The following MMD2 variants were observed in gnomAD, a reference collection of about 807,000 sequenced individuals.
The protein encoded by MMD2 is monocyte to macrophage differentiation factor 2.
A neutral mutation model predicts 33.5 loss-of-function variants in MMD2; 30 were observed. The ratio of observed to expected loss-of-function variants is 0.90; its 90% CI spans 0.67 to 1.22. The LOEUF (loss-of-function observed/expected upper bound fraction) is 1.22. MMD2 is among the 50% of genes most tolerant of loss of function. The pLI is 0.00. For synonymous variants in MMD2, 129 were observed against 123.0 expected (o/e 1.05, Z -0.32); for missense variants, 364 against 325.4 (o/e 1.12, Z -0.91).
chr7:4,917,584 T>C (rs1412915568), intron 3 of MMD2, among the ~76,000 whole-genome samples: 1 of 151,358 alleles, frequency 6.6e-6, no homozygotes, highest in Admixed American at 6.6e-5. Context: ...CCCAGCTACT[T>C]GGGAGGATGA....
the MMD2 span, among the ~76,000 whole-genome samples, chr7:4,896,571 A>G: frequency 6.6e-6 from 1 of 152,198 alleles, no homozygotes; most frequent in Non-Finnish European, 1.5e-5. Context: ...AGATGTGTGC[A>G]TGAACATGCT....
intron 1 of MMD2, among the ~76,000 whole-genome samples, chr7:4,941,697 T>C (rs1157823104): frequency 1.3e-5 from 2 of 151,780 alleles, no homozygotes; most frequent in African/African-American, 2.4e-5. Context: ...TTTTTCTTTA[T>C]ACTTTTTTAA....
At chr7:4,930,207 T>G (rs1216075518) in intron 1 of MMD2, among the ~76,000 whole-genome samples, 1 of 141,892 alleles carries the variant, frequency 7.0e-6, no homozygotes, top group Non-Finnish European at 1.5e-5. Flanking sequence ...AGGTGGAGGT[T>G]GCAGTGAGCC....
At chr7:4,953,588 A>G (rs1786307965) in intron 1 of MMD2, among the ~76,000 whole-genome samples, 1 of 151,230 alleles carries the variant, frequency 6.6e-6, no homozygotes, top group South Asian at 2.1e-4. Flanking sequence ...CTCCTGCCTC[A>G]GCCTCCTGAG....
At chr7:4,927,856 AG>A (rs1482536072) in intron 1 of MMD2, among the ~76,000 whole-genome samples, 2 of 152,216 alleles carry the variant, frequency 1.3e-5, no homozygotes, top group Non-Finnish European at 2.9e-5. Context: ...GAGAAGCTAC[AG>A]GGCAGGGAGG....
intron 2 of MMD2, 145 bp downstream of exon 2, chr7:4,925,306 A>T: frequency 4.3e-6 from 2 of 470,110 alleles, no homozygotes; most frequent in Non-Finnish European, 7.1e-6. Context: ...CCTTCCCTCG[A>T]GACGCCACAG....
chr7:4,952,566 G>A (rs1786275043), intron 1 of MMD2, among the ~76,000 whole-genome samples: 1 of 152,038 alleles, frequency 6.6e-6, no homozygotes, highest in Admixed American at 6.6e-5. Flanking sequence ...CACTCTGCAC[G>A]CATTTCCTCA....
At chr7:4,911,938 C>T (rs1274112131) in intron 4 of MMD2, among the ~76,000 whole-genome samples, 1 of 151,864 alleles carries the variant, frequency 6.6e-6, no homozygotes, top group South Asian at 2.1e-4. Context: ...TGAGCCACCG[C>T]GCCCGGCCTC....
intron 1 of MMD2, among the ~76,000 whole-genome samples, chr7:4,937,869 A>C (rs556635326): frequency 1.4e-4 from 22 of 151,814 alleles, no homozygotes; most frequent in Non-Finnish European, 2.6e-4. Context: ...GGCTGGTCTC[A>C]AACTCCTGGC....
chr7:4,905,448 G>A (rs991179745), downstream of MMD2, among the ~76,000 whole-genome samples: 3 of 150,380 alleles, frequency 2.0e-5, no homozygotes, highest in Admixed American at 1.3e-4. This position sits in a 1 kb window ranked among gnomAD's most constrained non-coding sequence, Gnocchi z 5.0. Flanking sequence ...GGAAGAAGGA[G>A]AGGAATGGGA....
At position 4,937,303 on chromosome 7, in the gene MMD2, A is replaced by G. The variant is rs1173429757; in HGVS notation, c.48-11771T>C. On this transcript the variant is annotated intron_variant, in intron 1 of 6. Coordinates refer to ENST00000401401, the MANE Select transcript of MMD2 (RefSeq NM_198403.4). ...TCCCAGCTACTTGAGAGGCTGAGGCAGGAGAATCACTTGAATCCGGGAGGT... is the reference window on the plus strand; with the variant it reads ...TCCCAGCTACTTGAGAGGCTGAGGCGGGAGAATCACTTGAATCCGGGAGGT... Among the ~76,000 whole-genome samples, 3 of 151,674 alleles carry G rather than the reference A, an allele frequency of 2.0e-5. No individual in the cohort carries two copies. In the East Asian group the frequency reaches 6.0e-4, roughly 30 times the overall value.
At chr7:4,930,012 G>A (rs903538831) in intron 1 of MMD2, among the ~76,000 whole-genome samples, 2 of 151,920 alleles carry the variant, frequency 1.3e-5, no homozygotes, top group African/African-American at 4.8e-5. Flanking sequence ...GCTCACACCT[G>A]TAATCCCAGC....
At chr7:4,905,306 GGAAGAGGAA>G (rs1696199817), downstream of MMD2, among the ~76,000 whole-genome samples, 2 of 148,670 alleles carry the variant, frequency 1.3e-5, no homozygotes, top group Admixed American at 6.8e-5. This position sits in a 1 kb window ranked among gnomAD's most constrained non-coding sequence, Gnocchi z 5.0. Flanking sequence ...AAGAGGAAGA[GGAAGAGGAA>G]GAAGAAGAAG....
At chr7:4,898,274 G>A in the MMD2 span, among the ~76,000 whole-genome samples, 3 of 152,120 alleles carry the variant, frequency 2.0e-5, no homozygotes, top group Non-Finnish European at 4.4e-5. Context: ...TCCCCACATG[G>A]CCTGGGGGCA....
chr7:4,920,677 T>C (rs1785258083), intron 2 of MMD2, among the ~76,000 whole-genome samples: 1 of 130,496 alleles, frequency 7.7e-6, no homozygotes, highest in Non-Finnish European at 1.6e-5. Flanking sequence ...TCCCCTTCCC[T>C]CCTCCCTCTC....
At chr7:4,901,553 G>A (rs300535), downstream of MMD2, among the ~76,000 whole-genome samples, 140,613 of 152,350 alleles carry the variant, frequency 0.92, 65,051 homozygotes, top group East Asian at 1. Context: ...ACTGAGGCAC[G>A]GAGAGGATAA....
At chr7:4,950,204 T>C (rs1484036354) in intron 1 of MMD2, among the ~76,000 whole-genome samples, 1 of 152,046 alleles carries the variant, frequency 6.6e-6, no homozygotes, top group Non-Finnish European at 1.5e-5. Flanking sequence ...GTTCAAGCGA[T>C]TCTCCTGCCT....
intron 1 of MMD2, among the ~76,000 whole-genome samples, chr7:4,945,281 C>CT (rs1230164654): frequency 1.2e-5 from 1 of 80,112 alleles, no homozygotes; most frequent in Non-Finnish European, 2.6e-5. Flanking sequence ...CTTTTTTTTT[C>CT]TTTTTTTGAG....
In MMD2 at chr7:4,907,348, A is replaced by G. The variant is rs756240261; in HGVS notation, c.*48T>C. The G allele has an allele frequency of 2.5e-6, 4 of 1,585,244 alleles. No individual in the cohort carries two copies. The highest frequency in any genetic ancestry group is 1.7e-5 in the Admixed American group (1 of 59,934). On this transcript the variant is annotated 3_prime_UTR_variant, in exon 7 of 7. Coordinates refer to ENST00000401401, the MANE Select transcript of MMD2 (RefSeq NM_198403.4). ...GTGCTCTGGGTTAACGTTCACAGAA[A>G]CGTGCTCCACTCCTAAAGCCCAAAC...
Sources: allele counts gnomAD v4.1 joint callset (sites outside exome capture counted in the v4.1 genomes callset), GRCh38; gene constraint gnomAD v4.1.1; non-coding constraint Gnocchi (gnomAD v3.1); transcripts MANE v1.5; gene names NCBI Gene and HGNC (gene_info 2026-07-23, HGNC 2026-07-21).